SPINK9: variants seen among roughly 807,000 people sequenced by gnomAD.
SPINK9 encodes the protein serine peptidase inhibitor Kazal type 9, also known as serine protease inhibitor Kazal-type 9.
Under a neutral mutation model 10.8 loss-of-function variants are expected in SPINK9, and 3 were observed. That is an observed-to-expected ratio of 0.28 (90% confidence interval 0.13 to 0.72). The LOEUF is 0.72. Ranked by LOEUF, SPINK9 falls within the 30% of genes least tolerant of loss-of-function variation. The pLI, the probability that SPINK9 is intolerant of heterozygous loss-of-function variation, is 0.74. For synonymous variants in SPINK9, 30 were observed against 31.2 expected, an observed-to-expected ratio of 0.96 and a Z score of 0.12; for missense variants, 101 against 103.2, an observed-to-expected ratio of 0.98 and a Z score of 0.09.
intron 2 of SPINK9, among the ~76,000 whole-genome samples, chr5:148,329,987 T>A (rs1273525314): frequency 2.6e-5 from 4 of 152,242 alleles, no homozygotes; most frequent in Non-Finnish European, 4.4e-5. Context: ...TTCTGTTGAT[T>A]TCGGGTGGAG....
chr5:148,339,629 C>A, intron 3 of SPINK9, 38 bp from the exon 4 acceptor site: 1 of 1,582,958 alleles, frequency 6.3e-7, no homozygotes, highest in Non-Finnish European at 8.7e-7. Flanking sequence ...TGCCTATGGG[C>A]TCAGCATTTC....
chr5:148,329,559 G>A (rs935310248), intron 2 of SPINK9, among the ~76,000 whole-genome samples: 13 of 152,096 alleles, frequency 8.5e-5, no homozygotes, highest in Non-Finnish European at 1.8e-4. Context: ...TTTTGAATGT[G>A]TTTGCTCTTG....
intron 2 of SPINK9, among the ~76,000 whole-genome samples, chr5:148,328,378 C>G (rs75054775): frequency 3.3e-5 from 5 of 151,956 alleles, no homozygotes; most frequent in East Asian, 1.9e-4. Flanking sequence ...GCTGAAGTTG[C>G]GTATCAGCTT....
chr5:148,337,519 T>C (rs564790279), intron 2 of SPINK9, among the ~76,000 whole-genome samples: 4 of 152,284 alleles, frequency 2.6e-5, no homozygotes, highest in Admixed American at 6.5e-5. Context: ...ATTAATAAAA[T>C]ATCATGCCTA....
intron 2 of SPINK9, among the ~76,000 whole-genome samples, chr5:148,328,641 G>A (rs1459050985): frequency 6.6e-6 from 1 of 152,156 alleles, no homozygotes; most frequent in Admixed American, 6.5e-5. Context: ...CTGTGGGTTT[G>A]TCATAGATAG....
At chr5:148,329,324 T>G (rs1294268999) in intron 2 of SPINK9, among the ~76,000 whole-genome samples, 1 of 152,168 alleles carries the variant, frequency 6.6e-6, no homozygotes, top group Non-Finnish European at 1.5e-5. Flanking sequence ...TGATGGTAGT[T>G]TGTATTTCTG....
upstream of SPINK9, among the ~76,000 whole-genome samples, chr5:148,332,616 C>T (rs185835336): frequency 7.4e-4 from 112 of 152,218 alleles, 1 homozygote; most frequent in African/African-American, 2.6e-3. Context: ...TTCTCAAGAA[C>T]AAAATATCAA....
At chr5:148,325,714 C>T (rs1241856779) in intron 2 of SPINK9, among the ~76,000 whole-genome samples, 2 of 152,134 alleles carry the variant, frequency 1.3e-5, no homozygotes, top group African/African-American at 4.8e-5. Context: ...CTTTGAGGCA[C>T]AAAATCTTTC....
At chr5:148,337,532 C>T (rs1409629228) in intron 2 of SPINK9, among the ~76,000 whole-genome samples, 1 of 152,110 alleles carries the variant, frequency 6.6e-6, no homozygotes, top group African/African-American at 2.4e-5. Flanking sequence ...CATGCCTAGA[C>T]CTCTCAGACA....
chr5:148,339,576 T>C, intron 3 of SPINK9, 91 bp from the exon 4 acceptor site: 2 of 1,107,054 alleles, frequency 1.8e-6, no homozygotes, highest in Admixed American at 2.0e-5. Flanking sequence ...GAAACTTGAA[T>C]ACATTTTTGG....
At chr5:148,323,934 A>G in intron 2 of SPINK9, 1 of 657,058 alleles carries the variant, frequency 1.5e-6, no homozygotes, top group South Asian at 1.7e-5. Context: ...TATAAAATAA[A>G]GAGAATAATC....
At chr5:148,326,672 C>T (rs1221891016) in intron 2 of SPINK9, among the ~76,000 whole-genome samples, 1 of 151,950 alleles carries the variant, frequency 6.6e-6, no homozygotes, top group Non-Finnish European at 1.5e-5. Context: ...CCTGCCCCCA[C>T]CCCACAACAG....
chr5:148,325,910 TATCTTATGTTATTTTGC>T (rs1222441539), intron 2 of SPINK9, among the ~76,000 whole-genome samples: 1 of 152,176 alleles, frequency 6.6e-6, no homozygotes. Context: ...TTATATGTGG[TATCTTATGTTATTTTGC>T]ATGTGGATAT....
At chr5:148,330,256 G>A (rs1443174016) in intron 2 of SPINK9, among the ~76,000 whole-genome samples, 1 of 152,188 alleles carries the variant, frequency 6.6e-6, no homozygotes, top group Non-Finnish European at 1.5e-5. Context: ...TTACCATTAT[G>A]TAATGGCCTT....
chr5:148,337,300 T>C (rs184217540), intron 2 of SPINK9, among the ~76,000 whole-genome samples: 268 of 152,298 alleles, frequency 1.8e-3, no homozygotes, highest in African/African-American at 6.2e-3. Context: ...GTTTCTATTC[T>C]GCTGCACTAG....
chr5:148,336,073 A>G (rs1175911658), intron 1 of SPINK9, among the ~76,000 whole-genome samples: 8 of 152,204 alleles, frequency 5.3e-5, no homozygotes, highest in African/African-American at 1.7e-4. Context: ...AACATCTGTC[A>G]TCTACACCTG....
chr5:148,330,910 T>C (rs979648914), upstream of SPINK9, among the ~76,000 whole-genome samples: 5 of 152,230 alleles, frequency 3.3e-5, no homozygotes, highest in Admixed American at 6.5e-5. Flanking sequence ...TAATCTCCTG[T>C]TGTGCTGTTT....
intron 2 of SPINK9, among the ~76,000 whole-genome samples, chr5:148,338,033 T>G (rs886369838): frequency 1.3e-5 from 2 of 152,284 alleles, no homozygotes; most frequent in Middle Eastern, 6.8e-3. Context: ...GTCAGTAATG[T>G]ACTAGTCATT....
At chr5:148,330,690 G>C (rs1400947255), upstream of SPINK9, among the ~76,000 whole-genome samples, 1 of 152,096 alleles carries the variant, frequency 6.6e-6, no homozygotes, top group African/African-American at 2.4e-5. Context: ...AGTTCTTTTA[G>C]GGCAGGCCTG....
Sources: gnomAD v4.1 joint callset for allele counts (sites outside exome capture counted in the v4.1 genomes callset) on GRCh38, gnomAD v4.1.1 for gene constraint, MANE v1.5 for transcripts, NCBI Gene and HGNC (gene_info 2026-07-23, HGNC 2026-07-21) for gene names.